BAZ2B: variants seen among roughly 807,000 people sequenced by gnomAD.
The protein encoded by BAZ2B is bromodomain adjacent to zinc finger domain protein 2B.
In BAZ2B, 91 loss-of-function variants were observed where a neutral mutation model predicts 246.0. The ratio of observed to expected loss-of-function variants is 0.37; its 90% CI spans 0.31 to 0.44. The LOEUF (loss-of-function observed/expected upper bound fraction) is 0.44. BAZ2B is among the 20% of genes least tolerant of loss of function. The pLI, the probability that BAZ2B is intolerant of heterozygous loss-of-function variation, is 1.00. For missense variants in BAZ2B, 2,332 were observed against 2,533.7 expected (o/e 0.92, Z 1.71); for synonymous variants, 855 against 860.0 (o/e 0.99, Z 0.10).
At chr2:159,322,633 T>C (rs947944685) in intron 36 of BAZ2B, among the ~76,000 whole-genome samples, 1 of 152,300 alleles carries the variant, frequency 6.6e-6, no homozygotes, top group Middle Eastern at 3.4e-3. Flanking sequence ...GAGAGAATTC[T>C]AGGTGAGATT....
At chr2:159,553,586 T>C (rs2088657882) in intron 2 of BAZ2B, among the ~76,000 whole-genome samples, 1 of 151,154 alleles carries the variant, frequency 6.6e-6, no homozygotes, top group African/African-American at 2.4e-5. Flanking sequence ...AAACTGGGAG[T>C]TGTGTACAAG....
At chr2:159,630,982 TCAGGAGTTAGAGAC>T in the BAZ2B span, among the ~76,000 whole-genome samples, 30 of 152,220 alleles carry the variant, frequency 2.0e-4, no homozygotes, top group Middle Eastern at 3.4e-3. Flanking sequence ...TTGCTTGAGC[TCAGGAGTTAGAGAC>T]CAGCCTCGGC....
chr2:159,707,457 A>G, the BAZ2B span, among the ~76,000 whole-genome samples: 1 of 152,002 alleles, frequency 6.6e-6, no homozygotes, highest in East Asian at 1.9e-4. Context: ...CTGGGAGGCC[A>G]AGGTGGGAGG....
chr2:159,501,425 T>A (rs944145435), intron 2 of BAZ2B, among the ~76,000 whole-genome samples: 1 of 147,984 alleles, frequency 6.8e-6, no homozygotes, highest in Non-Finnish European at 1.5e-5. Context: ...ACACACACAC[T>A]GTGTGTGTGC....
At chr2:159,364,531 T>C (rs2060024605) in intron 27 of BAZ2B, among the ~76,000 whole-genome samples, 2 of 152,160 alleles carry the variant, frequency 1.3e-5, no homozygotes, top group South Asian at 4.1e-4. Flanking sequence ...TAGCTGGAAG[T>C]ATACCTGGCT....
At chr2:159,674,077 T>C in the BAZ2B span, among the ~76,000 whole-genome samples, 1 of 152,040 alleles carries the variant, frequency 6.6e-6, no homozygotes, top group African/African-American at 2.4e-5. Flanking sequence ...ATGCAGTGGC[T>C]GATACTTGTA....
intron 2 of BAZ2B, among the ~76,000 whole-genome samples, chr2:159,527,013 A>C (rs1191892438): frequency 6.7e-6 from 1 of 150,258 alleles, no homozygotes; most frequent in Non-Finnish European, 1.5e-5. Flanking sequence ...TTACATTCCC[A>C]CTGGTAATGT....
At position 159,349,884 on chromosome 2, in the gene BAZ2B, A is replaced by G. The variant is rs1336998398; in HGVS notation, c.4687T>C (p.Leu1563=). Residue 1563 remains leucine, a synonymous_variant, in exon 28 of 37, where the codon TTG becomes CTG. Coordinates refer to ENST00000392783, the MANE Select transcript of BAZ2B (RefSeq NM_013450.4). ...GTGTCATCACAGGGTGTTCGTGGCA[A>G]AAGACTAAACCATTGTCTATTCTTT... ...TEKNRQWFSL[L]PRTPCDDTSL... 3 of 1,614,212 alleles carry G rather than the reference A, an allele frequency of 1.9e-6. No homozygotes were observed. Among genetic ancestry groups the G allele is most frequent in the Admixed American group, 1.7e-5 (1 of 60,018 alleles).
At chr2:159,337,811 TA>T (rs1189838818) in intron 31 of BAZ2B, 39 bp from the exon 32 acceptor site, 1 of 1,571,916 alleles carries the variant, frequency 6.4e-7, no homozygotes, top group South Asian at 1.2e-5. Flanking sequence ...GGTTTCCTCT[TA>T]AAATGCTAGG....
At chr2:159,562,956 A>G (rs2090023227) in intron 1 of BAZ2B, among the ~76,000 whole-genome samples, 1 of 152,208 alleles carries the variant, frequency 6.6e-6, no homozygotes, top group Admixed American at 6.5e-5. Context: ...CAAGCACCAT[A>G]GCTAAAGAAC....
chr2:159,682,059 G>C, the BAZ2B span, among the ~76,000 whole-genome samples: 1 of 152,130 alleles, frequency 6.6e-6, no homozygotes, highest in African/African-American at 2.4e-5. Flanking sequence ...GCCTTGAGAG[G>C]AGCTGTGACT....
chr2:159,315,798 T>C (rs2062050705), downstream of BAZ2B, among the ~76,000 whole-genome samples: 1 of 152,178 alleles, frequency 6.6e-6, no homozygotes, highest in Admixed American at 6.5e-5. Context: ...CACAAGTCCA[T>C]GTATTAAAAA....
the BAZ2B span, among the ~76,000 whole-genome samples, chr2:159,696,914 G>C: frequency 2.6e-5 from 4 of 152,090 alleles, no homozygotes; most frequent in African/African-American, 9.7e-5. Context: ...AGCCTCCCAA[G>C]TAGCTGCGAC....
At chr2:159,677,340 GT>G in the BAZ2B span, among the ~76,000 whole-genome samples, 1 of 151,812 alleles carries the variant, frequency 6.6e-6, no homozygotes, top group South Asian at 2.1e-4. Context: ...ATGATATTTT[GT>G]TTCAAACCTT....
the BAZ2B span, among the ~76,000 whole-genome samples, chr2:159,657,610 A>G: frequency 1.3e-5 from 2 of 152,102 alleles, no homozygotes; most frequent in South Asian, 4.1e-4. Flanking sequence ...ATATCTCACA[A>G]TTTACTTAGA....
chr2:159,496,686 G>C (rs1477496289), intron 2 of BAZ2B, among the ~76,000 whole-genome samples: 1 of 148,904 alleles, frequency 6.7e-6, no homozygotes, highest in Non-Finnish European at 1.5e-5. Context: ...GGAAGGCTGA[G>C]GCAGGAGAAT....
intron 27 of BAZ2B, among the ~76,000 whole-genome samples, chr2:159,368,791 T>C (rs2060495311): frequency 6.7e-6 from 1 of 149,468 alleles, no homozygotes; most frequent in Non-Finnish European, 1.5e-5. Flanking sequence ...AGAGAGGTTA[T>C]GTAGAAGAGC....
At chr2:159,661,277 T>C in the BAZ2B span, among the ~76,000 whole-genome samples, 22 of 152,230 alleles carry the variant, frequency 1.4e-4, no homozygotes, top group Admixed American at 1.4e-3. Context: ...ATAGTTCATC[T>C]TTCTATATGG....
chr2:159,565,166 G>A (rs1049472702), intron 1 of BAZ2B, among the ~76,000 whole-genome samples: 12 of 152,084 alleles, frequency 7.9e-5, no homozygotes, highest in Admixed American at 3.3e-4. Context: ...CCACCATGCC[G>A]GCCTCAAGAC....
Sources: gnomAD v4.1 joint callset for allele counts (sites outside exome capture counted in the v4.1 genomes callset) on GRCh38, gnomAD v4.1.1 for gene constraint, MANE v1.5 for transcripts, NCBI Gene and HGNC (gene_info 2026-07-23, HGNC 2026-07-21) for gene names.